WDR19: variants seen among roughly 807,000 people sequenced by gnomAD.
The protein encoded by WDR19 is WD repeat-containing protein 19.
WDR19 carries 121 observed loss-of-function variants against 180.0 expected under a neutral mutation model. The ratio of observed to expected loss-of-function variants is 0.67; its 90% CI spans 0.58 to 0.78. The LOEUF (loss-of-function observed/expected upper bound fraction) is 0.78, where lower values mean the gene tolerates loss of function less well. WDR19 is among the 30% of genes least tolerant of loss of function. The pLI is 0.00. For missense variants in WDR19, 1,450 were observed against 1,640.7 expected (o/e 0.88, Z 2.01); for synonymous variants, 497 against 540.7 (o/e 0.92, Z 1.12).
At chr4:39,194,788 G>A (rs554386996) in intron 5 of WDR19, 129 bp downstream of exon 5, 19 of 628,458 alleles carry the variant, frequency 3.0e-5, no homozygotes, top group Admixed American at 2.3e-4. Context: ...ATGTCCCTCC[G>A]CAAGTCTTAC....
At chr4:39,214,081 C>CTACA (rs1346621579) in intron 9 of WDR19, among the ~76,000 whole-genome samples, 1 of 152,196 alleles carries the variant, frequency 6.6e-6, no homozygotes, top group African/African-American at 2.4e-5. Flanking sequence ...CTTATTCTTA[C>CTACA]TACAACCTTA....
intron 21 of WDR19, 40 bp downstream of exon 21, chr4:39,240,374 G>A (rs1731809240): frequency 8.0e-7 from 1 of 1,249,882 alleles, no homozygotes; most frequent in Non-Finnish European, 1.1e-6. Flanking sequence ...AATTATGTCT[G>A]GGTTTGTTTT....
intron 5 of WDR19, among the ~76,000 whole-genome samples, chr4:39,195,754 C>T (rs1577846607): frequency 6.6e-6 from 1 of 152,192 alleles, no homozygotes; most frequent in South Asian, 2.1e-4. Context: ...GAGATCATGG[C>T]ACCCACAGAT....
At chr4:39,234,371 G>A (rs976421390) in intron 19 of WDR19, among the ~76,000 whole-genome samples, 1 of 152,132 alleles carries the variant, frequency 6.6e-6, no homozygotes, top group African/African-American at 2.4e-5. Flanking sequence ...CTATAGCAAA[G>A]TGTTCTCAAC....
chr4:39,204,932 A>C (rs1314091456), intron 7 of WDR19, among the ~76,000 whole-genome samples: 3 of 152,242 alleles, frequency 2.0e-5, no homozygotes. Flanking sequence ...GAATTGTAGT[A>C]TATTTCAAAG....
intron 17 of WDR19, among the ~76,000 whole-genome samples, 175 bp from the exon 18 acceptor site, chr4:39,231,622 T>TA (rs1367011043): frequency 1.3e-5 from 2 of 152,118 alleles, no homozygotes; most frequent in African/African-American, 2.4e-5. Context: ...CATTTATCTG[T>TA]AAAAAAAGGA....
chr4:39,207,841 A>C (rs974530321), intron 9 of WDR19, among the ~76,000 whole-genome samples: 11 of 152,272 alleles, frequency 7.2e-5, no homozygotes, highest in Admixed American at 1.3e-4. Context: ...GGGTAAATAT[A>C]ATAGACATTT....
intron 28 of WDR19, 118 bp from the exon 29 acceptor site, chr4:39,265,945 A>T: frequency 1.2e-6 from 1 of 820,346 alleles, no homozygotes; most frequent in Non-Finnish European, 2.0e-6. Context: ...CAGGCACTTT[A>T]CTATAGATAC....
chr4:39,272,531 G>A (rs1735470911), intron 31 of WDR19, among the ~76,000 whole-genome samples: 1 of 152,206 alleles, frequency 6.6e-6, no homozygotes, highest in South Asian at 2.1e-4. Context: ...CCCTCGATGT[G>A]TCACTGACCC....
Position 39,240,296 on chromosome 4 carries a change from T to C in WDR19, c.2383T>C (p.Leu795=). 1 of 1,431,990 alleles carries C rather than the reference T, an allele frequency of 7.0e-7. No homozygotes were observed. The highest frequency in any genetic ancestry group is 1.7e-5 in the South Asian group (1 of 58,488). The allele number at this position is 1,431,990 out of a possible 1,614,324, so 88.7% of individuals were successfully genotyped here. ...LEFAGDYVNA[L]AHYEKGITGD... Reference sequence around the variant, plus strand: ...TTTCAGGGGTGATTATGTAAATGCTTTGGCTCATTATGAGAAAGGAATAAC... The same window carrying C: ...TTTCAGGGGTGATTATGTAAATGCTCTGGCTCATTATGAGAAAGGAATAAC... Residue 795 remains leucine, a synonymous_variant, in exon 21 of 37, where the codon TTG becomes CTG. Coordinates refer to ENST00000399820, the MANE Select transcript of WDR19 (RefSeq NM_025132.4).
chr4:39,271,149 G>A lies in WDR19; in HGVS notation c.3483+1049G>A, dbSNP rs563530973. Among the ~76,000 whole-genome samples the A allele has an allele frequency of 2.4e-4, 36 of 152,096 alleles. No individual in the cohort carries two copies. In the East Asian group the frequency reaches 6.8e-3, roughly 29 times the overall value. On this transcript the variant is annotated intron_variant, in intron 31 of 36. Coordinates refer to ENST00000399820, the MANE Select transcript of WDR19 (RefSeq NM_025132.4). ...TGTCCTCAGGCAATCCACCTGCCTCGGCCTCCCAAAGTGCTGGGATTACAG... is the reference window on the plus strand; with the variant it reads ...TGTCCTCAGGCAATCCACCTGCCTCAGCCTCCCAAAGTGCTGGGATTACAG...
intron 24 of WDR19, among the ~76,000 whole-genome samples, chr4:39,250,347 A>G (rs998717919): frequency 3.9e-5 from 6 of 152,152 alleles, no homozygotes; most frequent in African/African-American, 1.4e-4. Flanking sequence ...GGTATTGATG[A>G]GACGTATCTC....
At chr4:39,252,343 C>T (rs552101016) in intron 24 of WDR19, among the ~76,000 whole-genome samples, 177 of 123,940 alleles carry the variant, frequency 1.4e-3, no homozygotes, top group African/African-American at 5.5e-3. Flanking sequence ...GAACATCACA[C>T]ACCAGGGCCT....
rs780435361 is a variant in WDR19, at chr4:39,240,290, A to C, written c.2377A>C (p.Asn793His). ...IQLEFAGDYV[N>H]ALAHYEKGIT... ...TTTTTTTTTCAGGGGTGATTATGTAAATGCTTTGGCTCATTATGAGAAAGG... is the reference window on the plus strand; with the variant it reads ...TTTTTTTTTCAGGGGTGATTATGTACATGCTTTGGCTCATTATGAGAAAGG... Residue 793 changes from asparagine (N) to histidine (H), a missense_variant, in exon 21 of 37, where the codon AAT (asparagine) becomes CAT (histidine). By Grantham distance (68) the Asn-to-His change is moderately conservative. Coordinates refer to ENST00000399820, the MANE Select transcript of WDR19 (RefSeq NM_025132.4). 7 of 1,418,054 alleles carry C rather than the reference A, an allele frequency of 4.9e-6. No homozygotes were observed. The highest frequency in any genetic ancestry group is 3.7e-6 in the Non-Finnish European group (4 of 1,082,612). The allele number at this position is 1,418,054 out of a possible 1,614,324, so 87.8% of individuals were successfully genotyped here.
chr4:39,216,227 T>C lies in WDR19; in HGVS notation c.1249+17T>C. On this transcript the variant is annotated intron_variant, in intron 12 of 36. Transcript: ENST00000399820. Reference sequence around the variant, plus strand: ...GAGAAAATGGCAAGTCTAAATCCAGTTGTTTATTCTTATCTAGCACATAAT... The same window carrying C: ...GAGAAAATGGCAAGTCTAAATCCAGCTGTTTATTCTTATCTAGCACATAAT... 1 of 1,524,968 alleles carries C rather than the reference T, an allele frequency of 6.6e-7. No individual in the cohort carries two copies. Among genetic ancestry groups the C allele is most frequent in the Non-Finnish European group, 8.8e-7 (1 of 1,135,858 alleles). The allele number at this position is 1,524,968 out of a possible 1,614,324, so 94.5% of individuals were successfully genotyped here. A position where few individuals can be genotyped will look rare whatever the true frequency, so the allele number is the denominator to read the frequency against.
intron 21 of WDR19, among the ~76,000 whole-genome samples, chr4:39,241,343 A>G (rs1364399686): frequency 1.3e-5 from 2 of 152,138 alleles, no homozygotes; most frequent in African/African-American, 2.4e-5. Context: ...AAATACAAAA[A>G]TTAGCCAGCC....
intron 5 of WDR19, among the ~76,000 whole-genome samples, chr4:39,196,847 T>C (rs1207990229): frequency 6.6e-6 from 1 of 152,202 alleles, no homozygotes; most frequent in Non-Finnish European, 1.5e-5. Flanking sequence ...TCCAACCACA[T>C]TGTCCTTGCT....
chr4:39,203,428 T>C (rs2109295305), intron 6 of WDR19, among the ~76,000 whole-genome samples: 1 of 152,344 alleles, frequency 6.6e-6, no homozygotes, highest in South Asian at 2.1e-4. Context: ...ATGGTCCCTG[T>C]AAATTTCCCT....
chr4:39,271,534 A>T (rs1735376187), intron 31 of WDR19, among the ~76,000 whole-genome samples: 1 of 152,094 alleles, frequency 6.6e-6, no homozygotes. Context: ...ACACCATGGC[A>T]CTCCAGCCTG....
Sources: gnomAD v4.1 joint callset for allele counts (sites outside exome capture counted in the v4.1 genomes callset) on GRCh38, gnomAD v4.1.1 for gene constraint, MANE v1.5 for transcripts, NCBI Gene and HGNC (gene_info 2026-07-23, HGNC 2026-07-21) for gene names.